PRH1: variants seen among roughly 807,000 people sequenced by gnomAD.
PRH1 encodes the protein salivary acidic proline-rich phosphoprotein 1/2.
In PRH1, 7 loss-of-function variants were observed where a neutral mutation model predicts 7.9. The observed-to-expected ratio is 0.89, with a 90% confidence interval of 0.50 to 1.67. The LOEUF is 1.67. Ranked by LOEUF, PRH1 falls within the 40% of genes most tolerant of loss-of-function variation. The pLI is 0.00. For missense variants in PRH1, 109 were observed against 223.6 expected, an observed-to-expected ratio of 0.49 and a Z score of 3.27; for synonymous variants, 45 against 80.8, an observed-to-expected ratio of 0.56 and a Z score of 2.38.
At chr12:10,975,859 C>T (rs758513145) in intron 1 of PRH1, among the ~76,000 whole-genome samples, 2 of 151,918 alleles carry the variant, frequency 1.3e-5, no homozygotes, top group African/African-American at 2.4e-5. Context: ...ACTCAATTCA[C>T]GAGAAGACCT....
chr12:11,084,351 A>C (rs929552343), intron 1 of PRH1, among the ~76,000 whole-genome samples: 7 of 110,318 alleles, frequency 6.3e-5, no homozygotes, highest in African/African-American at 2.0e-4. Flanking sequence ...TTGTACAAGT[A>C]TGCCATAATT....
At chr12:11,037,485 T>C (rs975189448) in intron 1 of PRH1, among the ~76,000 whole-genome samples, 2 of 152,254 alleles carry the variant, frequency 1.3e-5, no homozygotes, top group African/African-American at 4.8e-5. Context: ...GAAATTAAAA[T>C]GCTAAAAATA....
At chr12:10,938,753 A>C (rs774994166) in intron 2 of PRH1, 1 of 1,613,782 alleles carries the variant, frequency 6.2e-7, no homozygotes, top group African/African-American at 1.3e-5. Context: ...ACTGGCATTT[A>C]TATGGATGTT....
intron 1 of PRH1, among the ~76,000 whole-genome samples, chr12:11,070,046 T>A (rs1453755828): frequency 5.3e-4 from 81 of 152,164 alleles, no homozygotes; most frequent in African/African-American, 2.0e-3. Flanking sequence ...CAGGCATGAG[T>A]GGGGCAGAAG....
intron 2 of PRH1, among the ~76,000 whole-genome samples, chr12:10,971,294 T>C (rs1330239857): frequency 3.5e-5 from 5 of 141,726 alleles, no homozygotes; most frequent in Non-Finnish European, 7.8e-5. Context: ...TAAAGATATA[T>C]TTTTGAAAAC....
At chr12:10,895,931 C>T (rs904545090) in intron 2 of PRH1, 1 of 152,160 alleles carries the variant, frequency 6.6e-6, no homozygotes, top group Non-Finnish European at 1.5e-5. Flanking sequence ...GCTGATTGAT[C>T]CTAGCTGCAC....
intron 2 of PRH1, among the ~76,000 whole-genome samples, chr12:10,956,113 G>A (rs927722954): frequency 6.6e-6 from 1 of 151,922 alleles, no homozygotes; most frequent in Admixed American, 6.6e-5. Context: ...ACCAAAACCA[G>A]GCAGAGACAC....
intron 1 of PRH1, among the ~76,000 whole-genome samples, chr12:11,083,391 CATA>C (rs1387679554): frequency 8.3e-6 from 1 of 120,110 alleles, no homozygotes; most frequent in Non-Finnish European, 2.0e-5. Context: ...TTCTTACTAT[CATA>C]ATGCTGTATT....
chr12:10,908,759 T>C lies in PRH1; in HGVS notation c.-58-24484A>G, dbSNP rs141663427. On this transcript the variant is annotated intron_variant, in intron 2 of 3. Coordinates refer to the PRH1 transcript ENST00000539853. ...TTAGACTGAACATAGTCATAGTGAA[T>C]TTGACCGACACTGAAAATGTTTCAA... 1.2e-5 allele frequency: 20 copies of C among 1,613,906 alleles called. No homozygotes were observed. In the African/African-American group the frequency reaches 2.7e-4, roughly 22 times the overall value.
rs753181094 is a variant in PRH1 at position 11,022,173 on chromosome 12, C to T, written c.-126+24847G>A. 13 of 1,613,898 alleles carry T rather than the reference C, an allele frequency of 8.1e-6. No homozygotes were observed. The African/African-American group carries it at 1.7e-4, about 22-fold the overall frequency. Reference sequence around the variant, plus strand: ...AAATCAGAAATACCAAGGGCCCCAACAGTATCACCAGAACAACACTCTTAA... The same window carrying T: ...AAATCAGAAATACCAAGGGCCCCAATAGTATCACCAGAACAACACTCTTAA... On this transcript the variant is annotated intron_variant, in intron 1 of 3. Coordinates refer to the PRH1 transcript ENST00000539853.
At chr12:11,076,559 T>G (rs1944299468) in intron 1 of PRH1, among the ~76,000 whole-genome samples, 1 of 130,640 alleles carries the variant, frequency 7.7e-6, no homozygotes, top group Non-Finnish European at 1.8e-5. Context: ...AGATGTCAAC[T>G]TCACAAAAGG....
At position 11,153,782 on chromosome 12, in the gene PRH1, T is replaced by C. The variant is rs975549406; in HGVS notation, n.39+17640A>G. On this transcript the variant is annotated intron_variant and non_coding_transcript_variant, in intron 1 of 1. Coordinates refer to the PRH1 transcript ENST00000541175. Reference sequence around the variant, plus strand: ...AGTAAAATTCAGACCAAAAGACTTGTAAGATTTTGTGAATTTTATACCAAC... The same window carrying C: ...AGTAAAATTCAGACCAAAAGACTTGCAAGATTTTGTGAATTTTATACCAAC... Among the ~76,000 whole-genome samples the C allele has an allele frequency of 3.9e-5, 6 of 152,182 alleles. No individual in the cohort carries two copies. The South Asian group carries it at 1.2e-3, about 32-fold the overall frequency.
At chr12:11,026,671 A>G (rs1031813334) in intron 1 of PRH1, among the ~76,000 whole-genome samples, 2 of 152,166 alleles carry the variant, frequency 1.3e-5, no homozygotes, top group Non-Finnish European at 2.9e-5. Flanking sequence ...CACTAAACCT[A>G]TCTGGCCTCT....
At chr12:11,060,081 A>G (rs1268128625) in intron 1 of PRH1, among the ~76,000 whole-genome samples, 1 of 152,080 alleles carries the variant, frequency 6.6e-6, no homozygotes, top group Non-Finnish European at 1.5e-5. Context: ...AAACACATAA[A>G]TCACATGTGG....
chr12:10,938,775 T>C (rs1469795685), intron 2 of PRH1: 1 of 1,613,560 alleles, frequency 6.2e-7, no homozygotes, highest in Non-Finnish European at 8.5e-7. Flanking sequence ...ATCAGTGCAA[T>C]ATTTAAAAAC....
chr12:11,167,328 G>T (rs1358750996), intron 1 of PRH1, among the ~76,000 whole-genome samples: 1 of 151,934 alleles, frequency 6.6e-6, no homozygotes, highest in African/African-American at 2.4e-5. Flanking sequence ...CTCAACCTTT[G>T]TAAGAATTTG....
At chr12:10,912,883 G>T (rs1290849480) in intron 2 of PRH1, among the ~76,000 whole-genome samples, 1 of 152,044 alleles carries the variant, frequency 6.6e-6, no homozygotes, top group Non-Finnish European at 1.5e-5. Context: ...GCTTTGGGGT[G>T]CAGTGTTTCA....
At chr12:11,016,383 C>A (rs527765286) in intron 1 of PRH1, among the ~76,000 whole-genome samples, 2 of 145,496 alleles carry the variant, frequency 1.4e-5, no homozygotes, top group Admixed American at 6.9e-5. Context: ...ACACTGCATG[C>A]GGCCAGCAAC....
rs1285216934 is a variant in PRH1 at position 11,081,372 on chromosome 12, TG to T, written n.124-34185del. 2.6e-5 allele frequency among the ~76,000 whole-genome samples: 3 copies of T among 116,814 alleles called. 1 individual carries two copies. The highest frequency in any genetic ancestry group is 8.6e-5 in the African/African-American group (3 of 34,940). The allele number at this position is 116,814 out of a possible 152,430, so 76.6% of individuals were successfully genotyped here. A position where few individuals can be genotyped will look rare whatever the true frequency, so the allele number is the denominator to read the frequency against. On this transcript the variant is annotated intron_variant and non_coding_transcript_variant, in intron 1 of 4. Transcript: ENST00000541977. ...CATAAATCATTTTCTAGGGAGAAAC[TG>T]AACAAACTACTCTTAACACCATGTT...
Sources: gnomAD v4.1 joint callset for allele counts (sites outside exome capture counted in the v4.1 genomes callset) on GRCh38, gnomAD v4.1.1 for gene constraint, MANE v1.5 for transcripts, NCBI Gene and HGNC (gene_info 2026-07-23, HGNC 2026-07-21) for gene names.